Variants in MMD2 observed in about 807,000 individuals in gnomAD.
The protein encoded by MMD2 is monocyte to macrophage differentiation factor 2.
Under a neutral mutation model 33.5 loss-of-function variants are expected in MMD2, and 30 were observed. That is an observed-to-expected ratio of 0.90 (90% confidence interval 0.67 to 1.22). The LOEUF (loss-of-function observed/expected upper bound fraction) is 1.22. MMD2 is among the 50% of genes most tolerant of loss of function. The pLI is 0.00. For missense variants in MMD2, 364 were observed against 325.4 expected (o/e 1.12, Z -0.91); for synonymous variants, 129 against 123.0 (o/e 1.05, Z -0.32).
intron 1 of MMD2, among the ~76,000 whole-genome samples, chr7:4,955,802 C>T (rs926941903): frequency 6.6e-6 from 1 of 152,176 alleles, no homozygotes; most frequent in African/African-American, 2.4e-5. Context: ...CCTCTAATCC[C>T]AGCACTTTGG....
downstream of MMD2, among the ~76,000 whole-genome samples, chr7:4,904,495 G>T (rs1462928838): frequency 6.6e-6 from 1 of 152,154 alleles, no homozygotes; most frequent in Non-Finnish European, 1.5e-5. Context: ...AAGCCCTTCA[G>T]AATGCCCTCC....
At chr7:4,950,625 T>C (rs1786215764) in intron 1 of MMD2, among the ~76,000 whole-genome samples, 1 of 152,168 alleles carries the variant, frequency 6.6e-6, no homozygotes, top group Non-Finnish European at 1.5e-5. Context: ...GCTGATTTCA[T>C]TTAGCATAAT....
chr7:4,934,370 C>T (rs1042268716), intron 1 of MMD2, among the ~76,000 whole-genome samples: 1 of 152,224 alleles, frequency 6.6e-6, no homozygotes, highest in Non-Finnish European at 1.5e-5. Context: ...TCCCAGAGTG[C>T]TGGGTTACAG....
intron 6 of MMD2, 148 bp downstream of exon 6, chr7:4,909,733 C>T: frequency 9.5e-7 from 1 of 1,049,186 alleles, no homozygotes; most frequent in Non-Finnish European, 1.5e-6. Context: ...CTGTACCTGG[C>T]CTACTGCCTC....
intron 1 of MMD2, among the ~76,000 whole-genome samples, chr7:4,933,104 G>A (rs565752242): frequency 2.0e-5 from 3 of 152,174 alleles, no homozygotes; most frequent in South Asian, 4.1e-4. Flanking sequence ...GATCAGGCAC[G>A]GCAGCTCACG....
chr7:4,905,931 C>T (rs986573707), downstream of MMD2: 36 of 153,294 alleles, frequency 2.3e-4, no homozygotes, highest in African/African-American at 8.2e-4. The surrounding 1 kb of genome is among the most constrained non-coding windows in gnomAD (Gnocchi z 5.0). Flanking sequence ...CGCACACACA[C>T]ATGGGCAGGA....
chr7:4,940,451 A>AC lies in MMD2; in HGVS notation c.48-14920dup, dbSNP rs1175006032. 6.6e-6 allele frequency among the ~76,000 whole-genome samples: 1 copy of AC among 152,100 alleles called. No individual in the cohort carries two copies. The highest frequency in any genetic ancestry group is 1.5e-5 in the Non-Finnish European group (1 of 68,010). On this transcript the variant is annotated intron_variant, in intron 1 of 6. Coordinates refer to ENST00000401401, the MANE Select transcript of MMD2 (RefSeq NM_198403.4). This position sits in a 1 kb window ranked among gnomAD's most constrained non-coding sequence, Gnocchi z 5.0. The stretch of plus-strand genomic sequence containing the variant: ...CGACCCTGAGTCCCTTGGACAGAGG[A>AC]CTAGAGAGATTTGCCCGGGCTCCTA...
chr7:4,914,136 C>A (rs1305527942), intron 4 of MMD2, among the ~76,000 whole-genome samples: 3 of 152,174 alleles, frequency 2.0e-5, no homozygotes, highest in African/African-American at 7.2e-5. Flanking sequence ...CAGGCACATG[C>A]CATCACAAAC....
At chr7:4,892,359 G>A in the MMD2 span, among the ~76,000 whole-genome samples, 63 of 151,992 alleles carry the variant, frequency 4.1e-4, no homozygotes, top group Admixed American at 3.8e-3. Flanking sequence ...AGGCTAAGGC[G>A]GGCAGATCAC....
the MMD2 span, among the ~76,000 whole-genome samples, chr7:4,894,791 C>A: frequency 6.6e-6 from 1 of 152,114 alleles, no homozygotes; most frequent in Non-Finnish European, 1.5e-5. This position sits in a 1 kb window ranked among gnomAD's most constrained non-coding sequence, Gnocchi z 4.3. Flanking sequence ...GCCTCTACGC[C>A]CCTGCCCTCT....
chr7:4,906,991 T>C lies in MMD2; in HGVS notation c.*405A>G. The stretch of plus-strand genomic sequence containing the variant: ...GACAATTCGCCAGCCTGGACTTTGG[T>C]AACAGAGAGGGAGGCCCTGGCCACC... On this transcript the variant is annotated 3_prime_UTR_variant, in exon 7 of 7. Transcript: ENST00000401401. The C allele has an allele frequency of 4.4e-6, 1 of 226,870 alleles. No individual in the cohort carries two copies. The highest frequency in any genetic ancestry group is 8.7e-6 in the Non-Finnish European group (1 of 115,396). The allele number at this position is 226,870 out of a possible 1,614,324, so 14.1% of individuals were successfully genotyped here. A position where few individuals can be genotyped will look rare whatever the true frequency, so the allele number is the denominator to read the frequency against.
the MMD2 span, among the ~76,000 whole-genome samples, chr7:4,899,539 C>T: frequency 6.6e-6 from 1 of 152,088 alleles, no homozygotes; most frequent in South Asian, 2.1e-4. Flanking sequence ...AGGCATAAGC[C>T]ACTGTGCCCA....
chr7:4,900,053 G>A, the MMD2 span, among the ~76,000 whole-genome samples: 3 of 152,046 alleles, frequency 2.0e-5, no homozygotes, highest in African/African-American at 7.3e-5. Context: ...TGTAATCCTC[G>A]CACTTTGGGA....
intron 1 of MMD2, among the ~76,000 whole-genome samples, chr7:4,927,763 C>A (rs1450183494): frequency 3.3e-5 from 5 of 152,084 alleles, no homozygotes; most frequent in Admixed American, 6.6e-5. Context: ...GTTTTGGTGT[C>A]TTTTTAGAAT....
chr7:4,906,232 T>G lies in MMD2; in HGVS notation c.*1164A>C, dbSNP rs1784864133. The G allele has an allele frequency of 2.8e-6, 1 of 361,010 alleles. No homozygotes were observed. The highest frequency in any genetic ancestry group is 4.9e-6 in the Non-Finnish European group (1 of 202,238). The allele number at this position is 361,010 out of a possible 1,614,324, so 22.4% of individuals were successfully genotyped here. A position where few individuals can be genotyped will look rare whatever the true frequency, so the allele number is the denominator to read the frequency against. Reference sequence around the variant, plus strand: ...GCCTGCTACTCACCTCCCCAGTAAATGTCCAGGCAGCATTGGACAGAGAGG... The same window carrying G: ...GCCTGCTACTCACCTCCCCAGTAAAGGTCCAGGCAGCATTGGACAGAGAGG... On this transcript the variant is annotated 3_prime_UTR_variant, in exon 7 of 7. Transcript: ENST00000401401.
At chr7:4,951,248 T>C (rs905249287) in intron 1 of MMD2, among the ~76,000 whole-genome samples, 1 of 152,070 alleles carries the variant, frequency 6.6e-6, no homozygotes, top group Admixed American at 6.6e-5. Flanking sequence ...CTTTATTTTC[T>C]TCCCACTGGA....
At chr7:4,956,088 C>T (rs756894492) in intron 1 of MMD2, among the ~76,000 whole-genome samples, 2 of 151,906 alleles carry the variant, frequency 1.3e-5, no homozygotes, top group Admixed American at 6.6e-5. Context: ...ACATCTGTGG[C>T]TTGTATATTA....
chr7:4,934,939 A>C (rs1232367467), intron 1 of MMD2, among the ~76,000 whole-genome samples: 1 of 152,202 alleles, frequency 6.6e-6, no homozygotes, highest in African/African-American at 2.4e-5. Context: ...TGATCCCAGC[A>C]CTTTGAAAGG....
rs186015619 is a variant in MMD2, at chr7:4,923,997, T to C, written c.129+1454A>G. On this transcript the variant is annotated intron_variant, in intron 2 of 6. Coordinates refer to ENST00000401401, the MANE Select transcript of MMD2 (RefSeq NM_198403.4). Reference sequence around the variant, plus strand: ...CACGAGGTCAGGAGATCGAGACCATTCTGGCTAACACGGTGAAACCCCGTC... The same window carrying C: ...CACGAGGTCAGGAGATCGAGACCATCCTGGCTAACACGGTGAAACCCCGTC... Among the ~76,000 whole-genome samples, 1,068 of 151,864 alleles carry C rather than the reference T, an allele frequency of 7.0e-3. 11 individuals carry two copies. Among genetic ancestry groups the C allele is most frequent in the African/African-American group, 0.02 (834 of 41,408 alleles).
Sources: gnomAD v4.1 joint callset for allele counts (sites outside exome capture counted in the v4.1 genomes callset) on GRCh38, gnomAD v4.1.1 for gene constraint, Gnocchi (gnomAD v3.1) non-coding constraint, MANE v1.5 for transcripts, NCBI Gene and HGNC (gene_info 2026-07-23, HGNC 2026-07-21) for gene names.